Variants in NACC2 observed in about 807,000 individuals in gnomAD.
The protein encoded by NACC2 is NACC family member 2.
In NACC2, 8 loss-of-function variants were observed where a neutral mutation model predicts 25.1. The ratio of observed to expected loss-of-function variants is 0.32; its 90% CI spans 0.19 to 0.57. NACC2 has a LOEUF of 0.57. NACC2 is among the 20% of genes least tolerant of loss of function. The probability of loss-of-function intolerance (pLI) is 0.89; values close to 1 mark genes in which losing one functional copy is unlikely to be tolerated. For synonymous variants in NACC2, 435 were observed against 294.7 expected (o/e 1.48, Z -4.88); for missense variants, 644 against 650.2 (o/e 0.99, Z 0.10).
At chr9:136,051,385 C>A (rs1840832931) in intron 1 of NACC2, among the ~76,000 whole-genome samples, 1 of 152,240 alleles carries the variant, frequency 6.6e-6, no homozygotes, top group East Asian at 1.9e-4. Flanking sequence ...TCGCTCCCCA[C>A]GCGGGCCAAT....
chr9:136,083,491 G>A (rs1036384013), intron 1 of NACC2, among the ~76,000 whole-genome samples: 1 of 152,234 alleles, frequency 6.6e-6, no homozygotes, highest in Non-Finnish European at 1.5e-5. Flanking sequence ...TTGGAACTAG[G>A]GTCTTTGCAG....
chr9:136,010,778 T>A lies in NACC2; in HGVS notation c.*738A>T, dbSNP rs1306207654. On this transcript the variant is annotated 3_prime_UTR_variant, in exon 6 of 6. Coordinates refer to ENST00000277554, the MANE Select transcript of NACC2 (RefSeq NM_144653.5). The surrounding 1 kb of genome is among the most constrained non-coding windows in gnomAD (Gnocchi z 4.9). Reference sequence around the variant, plus strand: ...CGGGACAGTGGGAGGCCAGGCGGGGTCAGCGGTGCCCTGGGGGTCAGGGGA... The same window carrying A: ...CGGGACAGTGGGAGGCCAGGCGGGGACAGCGGTGCCCTGGGGGTCAGGGGA... 2 of 151,792 alleles carry A rather than the reference T, an allele frequency of 1.3e-5. No homozygotes were observed. The highest frequency in any genetic ancestry group is 1.3e-4 in the Admixed American group (2 of 15,246). The allele number at this position is 151,792 out of a possible 1,614,324, so 9.4% of individuals were successfully genotyped here. A position where few individuals can be genotyped will look rare whatever the true frequency, so the allele number is the denominator to read the frequency against.
chr9:136,016,272 C>G lies in NACC2; in HGVS notation c.1044G>C (p.Leu348=), dbSNP rs755165066. The G allele has an allele frequency of 9.9e-6, 16 of 1,612,762 alleles. No homozygotes were observed. The South Asian group carries it at 1.6e-4, about 17-fold the overall frequency. The change falls in exon 3 of 6, where the codon CTG becomes CTC. Residue 348 remains leucine (L), a synonymous_variant. Coordinates refer to ENST00000277554, the MANE Select transcript of NACC2 (RefSeq NM_144653.5). ...GGTGGGAGGCAGCCTCACCTGCCAC[C>G]AGCTCCAGCTTCTCCCCGGGGTCCC... is the stretch of plus-strand genomic sequence containing the variant. ...SEGDPGEKLE[L]VAGSGVYITR...
intron 1 of NACC2, among the ~76,000 whole-genome samples, chr9:136,051,083 C>T (rs926188288): frequency 6.6e-6 from 1 of 152,180 alleles, no homozygotes; most frequent in African/African-American, 2.4e-5. Flanking sequence ...GGTTTGCTTT[C>T]CCTCTCTTCC....
At chr9:136,042,552 C>A (rs1003012464) in intron 2 of NACC2, among the ~76,000 whole-genome samples, 147 of 152,278 alleles carry the variant, frequency 9.7e-4, no homozygotes, top group African/African-American at 3.5e-3. Context: ...CTACCTGACC[C>A]CTTCTGCAAA....
chr9:136,019,938 G>A lies in NACC2; in HGVS notation c.887-3509C>T, dbSNP rs1004812739. Among the ~76,000 whole-genome samples the A allele has an allele frequency of 5.3e-5, 8 of 151,660 alleles. No individual in the cohort carries two copies. Among genetic ancestry groups the A allele is most frequent in the African/African-American group, 1.2e-4 (5 of 41,270 alleles). On this transcript the variant is annotated intron_variant, in intron 2 of 5. Transcript: ENST00000277554. The surrounding 1 kb of genome is among the most constrained non-coding windows in gnomAD (Gnocchi z 5.2). ...ACATCCCGGGGCTCCACTCGCAGGC[G>A]GCCCCCAGAGTCGTCAGGTCCACAG...
At chr9:136,017,032 T>G (rs1240810458) in intron 2 of NACC2, among the ~76,000 whole-genome samples, 1 of 152,122 alleles carries the variant, frequency 6.6e-6, no homozygotes, top group South Asian at 2.1e-4. Flanking sequence ...GGGGACTCAG[T>G]GCATCCAAGA....
chr9:136,078,619 C>T (rs1377634488), intron 1 of NACC2, among the ~76,000 whole-genome samples: 1 of 152,164 alleles, frequency 6.6e-6, no homozygotes, highest in Non-Finnish European at 1.5e-5. Flanking sequence ...TAAACCTGTG[C>T]GAGGCAAGAG....
intron 2 of NACC2, among the ~76,000 whole-genome samples, chr9:136,043,758 G>C (rs1255873005): frequency 6.6e-6 from 1 of 152,190 alleles, no homozygotes; most frequent in Non-Finnish European, 1.5e-5. Flanking sequence ...TATGTTGATT[G>C]CAACATTGCA....
chr9:136,078,172 C>G (rs1830282893), intron 1 of NACC2, among the ~76,000 whole-genome samples: 1 of 152,182 alleles, frequency 6.6e-6, no homozygotes, highest in Admixed American at 6.5e-5. Flanking sequence ...GACCAGGCAC[C>G]CACTCAAACC....
chr9:136,051,408 G>A (rs1223382109), intron 1 of NACC2, among the ~76,000 whole-genome samples: 1 of 152,182 alleles, frequency 6.6e-6, no homozygotes, highest in African/African-American at 2.4e-5. Flanking sequence ...CGACGGCCCG[G>A]CCCCAACCCA....
intron 2 of NACC2, among the ~76,000 whole-genome samples, chr9:136,046,282 G>A (rs1002779207): frequency 6.6e-6 from 1 of 152,212 alleles, no homozygotes; most frequent in Non-Finnish European, 1.5e-5. Flanking sequence ...GGACGCCTGC[G>A]CCTCACCCTC....
At chr9:136,091,269 C>T (rs1282382366) in intron 1 of NACC2, among the ~76,000 whole-genome samples, 2 of 152,236 alleles carry the variant, frequency 1.3e-5, no homozygotes. Flanking sequence ...CATTCAGCCT[C>T]CAGCTCCTCG....
At position 136,050,250 on chromosome 9, in the gene NACC2, G is replaced by T; in HGVS notation, c.272C>A (p.Thr91Asn). 1.3e-6 allele frequency: 1 copy of T among 770,506 alleles called. No individual in the cohort carries two copies. The allele number at this position is 770,506 out of a possible 1,614,324, so 47.7% of individuals were successfully genotyped here. A position where few individuals can be genotyped will look rare whatever the true frequency, so the allele number is the denominator to read the frequency against. Residue 91 changes from threonine (T) to asparagine (N), a missense_variant, in exon 2 of 6, where the codon ACC (threonine) becomes AAC (asparagine). Transcript: ENST00000277554. ...CACGAGCTGCTCGCTGGCCGTCATG[G>T]TGAGCCTGCCCGTGTAGCAGAAGGA... ...ILSFCYTGRLTMTASEQLVVM... is the reference protein window; with the variant it reads ...ILSFCYTGRLNMTASEQLVVM...
Position 136,086,816 on chromosome 9 carries a change from GCTGT to G in NACC2, c.-60+8369_-60+8372del, listed in dbSNP as rs143563094. The stretch of plus-strand genomic sequence containing the variant: ...TCCAGGTGCCATCCCAGCAGCGGCT[GCTGT>G]CTGTGCCTGGCTCCTCCCACTGTCC... On this transcript the variant is annotated intron_variant, in intron 1 of 5. Coordinates refer to ENST00000277554, the MANE Select transcript of NACC2 (RefSeq NM_144653.5). The surrounding 1 kb of genome is among the most constrained non-coding windows in gnomAD (Gnocchi z 5.6). Among the ~76,000 whole-genome samples, 1,447 of 152,256 alleles carry G rather than the reference GCTGT, an allele frequency of 9.5e-3. 20 individuals are homozygous for G. The highest frequency in any genetic ancestry group is 0.032 in the African/African-American group (1,346 of 41,516).
In NACC2 at chr9:136,069,528, G is replaced by GA. The variant is rs577495131; in HGVS notation, c.-59-18949dup. The stretch of plus-strand genomic sequence containing the variant: ...TATGCCACTGCATTCCAGCCTGGGT[G>GA]AAAGAGTGAAACTCTGTCAAAAAAC... On this transcript the variant is annotated intron_variant, in intron 1 of 5. Coordinates refer to ENST00000277554, the MANE Select transcript of NACC2 (RefSeq NM_144653.5). Among the ~76,000 whole-genome samples the GA allele has an allele frequency of 2.2e-4, 34 of 151,134 alleles. No homozygotes were observed. In the East Asian group the frequency reaches 6.4e-3, roughly 28 times the overall value.
chr9:136,028,331 G>A (rs543428261), intron 2 of NACC2, among the ~76,000 whole-genome samples: 2 of 151,312 alleles, frequency 1.3e-5, no homozygotes, highest in East Asian at 3.9e-4. Context: ...TAGGTAGGCT[G>A]ACCACATGTA....
At chr9:136,036,015 A>T (rs1210120580) in intron 2 of NACC2, among the ~76,000 whole-genome samples, 2 of 152,232 alleles carry the variant, frequency 1.3e-5, no homozygotes, top group South Asian at 4.1e-4. Flanking sequence ...TTGTACAAAA[A>T]GTTTGATAAA....
intron 1 of NACC2, among the ~76,000 whole-genome samples, chr9:136,080,110 G>A (rs1243661897): frequency 6.6e-6 from 1 of 152,192 alleles, no homozygotes; most frequent in Non-Finnish European, 1.5e-5. Context: ...GTGGCTGCCA[G>A]CCAAAGCCCA....
Sources: allele counts gnomAD v4.1 joint callset (sites outside exome capture counted in the v4.1 genomes callset), GRCh38; gene constraint gnomAD v4.1.1; non-coding constraint Gnocchi (gnomAD v3.1); transcripts MANE v1.5; gene names NCBI Gene and HGNC (gene_info 2026-07-23, HGNC 2026-07-21).